PDGFD: variants seen among roughly 807,000 people sequenced by gnomAD.
PDGFD encodes platelet derived growth factor D, also known as platelet-derived growth factor D.
A neutral mutation model predicts 44.7 loss-of-function variants in PDGFD; 30 were observed. The observed-to-expected ratio is 0.67, with a 90% CI of 0.50 to 0.91. The LOEUF (loss-of-function observed/expected upper bound fraction) is 0.91. Ranked by LOEUF, PDGFD falls within the 40% of genes least tolerant of loss-of-function variation. The pLI is 0.00. For synonymous variants in PDGFD, 173 were observed against 168.4 expected, an observed-to-expected ratio of 1.03 and a Z score of -0.21; for missense variants, 445 against 457.8, an observed-to-expected ratio of 0.97 and a Z score of 0.25.
chr11:104,009,429 CATTATTATT>C (rs58324746), intron 1 of PDGFD, among the ~76,000 whole-genome samples: 1 of 148,782 alleles, frequency 6.7e-6, no homozygotes. Flanking sequence ...CTTGCAAATG[CATTATTATT>C]ATTATTATTA....
intron 1 of PDGFD, among the ~76,000 whole-genome samples, chr11:104,040,257 G>A (rs189557138): frequency 3.6e-4 from 54 of 151,976 alleles, no homozygotes; most frequent in Non-Finnish European, 3.8e-4. Flanking sequence ...AAAATTTCAC[G>A]TTTCTTTGGC....
intron 1 of PDGFD, among the ~76,000 whole-genome samples, chr11:104,050,497 C>A (rs1860516893): frequency 6.6e-6 from 1 of 152,204 alleles, no homozygotes; most frequent in Non-Finnish European, 1.5e-5. Context: ...AGAAGCAGCA[C>A]TGGACCAGAT....
In PDGFD at chr11:103,909,513, A is replaced by G. The variant is rs937778777; in HGVS notation, c.*181T>C. 5 of 675,532 alleles carry G rather than the reference A, an allele frequency of 7.4e-6. No homozygotes were observed. Among genetic ancestry groups the G allele is most frequent in the Non-Finnish European group, 1.3e-5 (5 of 394,444 alleles). The allele number at this position is 675,532 out of a possible 1,614,324, so 41.8% of individuals were successfully genotyped here. ...CCTATATTCTTAGGTATAGAAGTTGATGATATACCTTTCTACTTGCCATGG... is the reference window on the plus strand; with the variant it reads ...CCTATATTCTTAGGTATAGAAGTTGGTGATATACCTTTCTACTTGCCATGG... On this transcript the variant is annotated 3_prime_UTR_variant, in exon 7 of 7. Transcript: ENST00000393158.
chr11:104,011,904 T>C (rs1198827333), intron 1 of PDGFD, among the ~76,000 whole-genome samples: 2 of 152,120 alleles, frequency 1.3e-5, no homozygotes, highest in Non-Finnish European at 2.9e-5. Flanking sequence ...TGGGAAGATG[T>C]ATTAAAGTAA....
chr11:103,974,965 T>G (rs1297786686), intron 3 of PDGFD, among the ~76,000 whole-genome samples: 1 of 152,234 alleles, frequency 6.6e-6, no homozygotes, highest in African/African-American at 2.4e-5. Context: ...TACATGTGCA[T>G]GTGTCTTTAT....
intron 3 of PDGFD, among the ~76,000 whole-genome samples, chr11:103,983,723 G>T (rs1321163886): frequency 6.6e-6 from 1 of 151,472 alleles, no homozygotes; most frequent in Non-Finnish European, 1.5e-5. Flanking sequence ...AAATTTACAA[G>T]AAAAAAATAA....
At chr11:103,976,727 T>C (rs1398491254) in intron 3 of PDGFD, among the ~76,000 whole-genome samples, 1 of 152,016 alleles carries the variant, frequency 6.6e-6, no homozygotes, top group Non-Finnish European at 1.5e-5. Context: ...CAATAAACTA[T>C]TAAGATAGTT....
chr11:104,044,525 A>C (rs1303987457), intron 1 of PDGFD, among the ~76,000 whole-genome samples: 1 of 152,258 alleles, frequency 6.6e-6, no homozygotes, highest in African/African-American at 2.4e-5. Context: ...AGAATATTTT[A>C]AATATTTAGA....
At chr11:104,109,775 A>G (rs1464421319) in intron 1 of PDGFD, among the ~76,000 whole-genome samples, 1 of 150,536 alleles carries the variant, frequency 6.6e-6, no homozygotes, top group East Asian at 1.9e-4. Flanking sequence ...CATTAAGTTA[A>G]AAAAAAAAGA....
intron 1 of PDGFD, among the ~76,000 whole-genome samples, chr11:104,023,348 C>A (rs1859992928): frequency 6.6e-6 from 1 of 152,110 alleles, no homozygotes. Flanking sequence ...CTCTTGATAT[C>A]ACAAGCTTTA....
chr11:104,000,058 T>C lies in PDGFD; in HGVS notation c.322A>G (p.Ile108Val), dbSNP rs1451702522. The C allele has an allele frequency of 3.1e-6, 5 of 1,613,846 alleles. No homozygotes were observed. In the East Asian group the frequency reaches 6.7e-5, roughly 22 times the overall value. ...QFGLEEAENDICRYDFVEVED... is the reference protein window; with the variant it reads ...QFGLEEAENDVCRYDFVEVED... The stretch of plus-strand genomic sequence containing the variant: ...ATTTTTTTCCCAACTTACCTACAGA[T>C]ATCATTTTCTGCTTCCTCTAATCCA... The change falls in exon 2 of 7, where the codon ATC becomes GTC. Residue 108 changes from isoleucine (I) to valine (V), a missense_variant. Coordinates refer to ENST00000393158, the MANE Select transcript of PDGFD (RefSeq NM_025208.5).
At chr11:104,159,976 A>G (rs1862366271) in intron 1 of PDGFD, among the ~76,000 whole-genome samples, 1 of 152,242 alleles carries the variant, frequency 6.6e-6, no homozygotes, top group South Asian at 2.1e-4. Context: ...ACAAGATTAT[A>G]GACTTTAATA....
intron 1 of PDGFD, among the ~76,000 whole-genome samples, chr11:104,148,656 C>T (rs943788992): frequency 1.3e-5 from 2 of 152,098 alleles, no homozygotes; most frequent in Non-Finnish European, 2.9e-5. Flanking sequence ...AAACTTGTGT[C>T]ATGGGGGTTT....
At chr11:103,944,777 T>C (rs1858644758) in intron 4 of PDGFD, among the ~76,000 whole-genome samples, 1 of 152,152 alleles carries the variant, frequency 6.6e-6, no homozygotes, top group South Asian at 2.1e-4. Flanking sequence ...TTGATGATCA[T>C]CTGCTCTCAG....
chr11:104,010,239 T>C (rs1859763151), intron 1 of PDGFD, among the ~76,000 whole-genome samples: 1 of 152,020 alleles, frequency 6.6e-6, no homozygotes, highest in African/African-American at 2.4e-5. Context: ...GATGTTAATG[T>C]TACATAAACA....
intron 1 of PDGFD, among the ~76,000 whole-genome samples, chr11:104,071,137 T>C (rs1446347307): frequency 6.6e-6 from 1 of 151,922 alleles, no homozygotes; most frequent in Non-Finnish European, 1.5e-5. Context: ...TTACATAAAT[T>C]TTAAGTGTAT....
intron 1 of PDGFD, among the ~76,000 whole-genome samples, chr11:104,119,833 T>C (rs1861743011): frequency 8.7e-6 from 1 of 114,940 alleles, no homozygotes; most frequent in Admixed American, 1.1e-4. Flanking sequence ...TACTATATAA[T>C]CAATTATTAT....
chr11:104,081,469 T>G (rs1861044309), intron 1 of PDGFD, among the ~76,000 whole-genome samples: 1 of 152,180 alleles, frequency 6.6e-6, no homozygotes. Context: ...AAATAAGTCA[T>G]CAAAAGCTAT....
Position 104,000,119 on chromosome 11 carries a change from C to T in PDGFD, c.261G>A (p.Glu87=), listed in dbSNP as rs928604086. ...LLLTWRLHSQ[E]NTRIQLVFDN... ...CAAACACTAGCTGTATCCGTGTATT[C>T]TCCTGAGAGTGAAGCCGCCATGTCA... is the stretch of plus-strand genomic sequence containing the variant. The change falls in exon 2 of 7, where the codon GAG becomes GAA. Residue 87 remains glutamate (E), a synonymous_variant. Coordinates refer to ENST00000393158, the MANE Select transcript of PDGFD (RefSeq NM_025208.5). The T allele has an allele frequency of 2.5e-5, 40 of 1,613,954 alleles. No individual in the cohort carries two copies. Among genetic ancestry groups the T allele is most frequent in the Non-Finnish European group, 3.3e-5 (39 of 1,180,010 alleles).
Sources: allele counts gnomAD v4.1 joint callset (sites outside exome capture counted in the v4.1 genomes callset), GRCh38; gene constraint gnomAD v4.1.1; transcripts MANE v1.5; gene names NCBI Gene and HGNC (gene_info 2026-07-23, HGNC 2026-07-21).